Variants in SLC24A3 observed in about 807,000 individuals in gnomAD.
SLC24A3 encodes the protein sodium/potassium/calcium exchanger 3.
Under a neutral mutation model 75.8 loss-of-function variants are expected in SLC24A3, and 28 were observed. The observed-to-expected ratio is 0.37, with a 90% CI of 0.27 to 0.51. The LOEUF is 0.51. Among genes scored for constraint, SLC24A3 ranks in the 20% least tolerant of loss-of-function variants. The pLI is 0.94. For missense variants in SLC24A3, 663 were observed against 847.8 expected (o/e 0.78, Z 2.71); for synonymous variants, 372 against 334.1 (o/e 1.11, Z -1.24).
rs1340441111 is a variant in SLC24A3 at position 19,698,643 on chromosome 20, G to A, written c.1682G>A (p.Trp561Ter). 6.3e-7 allele frequency: 1 copy of A among 1,592,188 alleles called. No individual in the cohort carries two copies. Among genetic ancestry groups the A allele is most frequent in the Non-Finnish European group, 8.6e-7 (1 of 1,167,368 alleles). Reference sequence around the variant, plus strand: ...ATCCTGATTGGCCTCGGTCTCCCCTGGGCTCTGCAGACCCTGGCTGTGGAT... The same window carrying A: ...ATCCTGATTGGCCTCGGTCTCCCCTAGGCTCTGCAGACCCTGGCTGTGGAT... ...FDILIGLGLP[W>*]ALQTLAVDYG... Residue 561 changes from tryptophan to a stop codon, truncating the protein, a stop_gained, in exon 15 of 17, where the codon TGG (tryptophan) becomes TAG (stop). Coordinates refer to ENST00000328041, the MANE Select transcript of SLC24A3 (RefSeq NM_020689.4). LOFTEE classifies it high-confidence loss of function.
chr20:19,390,822 G>A (rs1030698709), intron 2 of SLC24A3, among the ~76,000 whole-genome samples: 2 of 152,104 alleles, frequency 1.3e-5, no homozygotes, highest in Admixed American at 1.3e-4. Context: ...TGAGCCTGGG[G>A]AGGCCTGGAG....
chr20:19,449,137 CGGTAGAACT>C (rs1350363251), intron 2 of SLC24A3, among the ~76,000 whole-genome samples: 1 of 152,160 alleles, frequency 6.6e-6, no homozygotes, highest in Non-Finnish European at 1.5e-5. Flanking sequence ...GACTCCATGG[CGGTAGAACT>C]GGATGAAATG....
chr20:19,251,369 A>G (rs377099914), intron 1 of SLC24A3, among the ~76,000 whole-genome samples: 1 of 152,238 alleles, frequency 6.6e-6, no homozygotes, highest in Non-Finnish European at 1.5e-5. Flanking sequence ...GAAGAAAAGT[A>G]AGAACTTATT....
intron 2 of SLC24A3, among the ~76,000 whole-genome samples, chr20:19,430,594 A>G (rs1226392219): frequency 6.6e-6 from 1 of 152,218 alleles, no homozygotes; most frequent in Non-Finnish European, 1.5e-5. Context: ...AAAATAGTGC[A>G]TAGAAATGCA....
chr20:19,481,915 C>T (rs1049626079), intron 2 of SLC24A3, among the ~76,000 whole-genome samples: 1 of 152,152 alleles, frequency 6.6e-6, no homozygotes, highest in African/African-American at 2.4e-5. Context: ...AAGCCATAGG[C>T]TTTTCAAATG....
intron 2 of SLC24A3, among the ~76,000 whole-genome samples, chr20:19,458,410 A>G (rs1218330252): frequency 1.3e-5 from 2 of 152,238 alleles, no homozygotes; most frequent in African/African-American, 4.8e-5. Context: ...TTAAGTGCAC[A>G]GTTCAGCTGC....
chr20:19,586,333 C>T (rs1256503936), intron 6 of SLC24A3, among the ~76,000 whole-genome samples: 1 of 152,166 alleles, frequency 6.6e-6, no homozygotes, highest in Non-Finnish European at 1.5e-5. Context: ...GAGATCTCTG[C>T]CCAAATACCC....
chr20:19,389,964 TTCTTTAAGC>T (rs1307462461), intron 2 of SLC24A3, among the ~76,000 whole-genome samples: 1 of 152,204 alleles, frequency 6.6e-6, no homozygotes, highest in African/African-American at 2.4e-5. Flanking sequence ...CAAATGACCT[TTCTTTAAGC>T]TCGATGATTC....
At chr20:19,660,045 C>T (rs541553710) in intron 7 of SLC24A3, among the ~76,000 whole-genome samples, 6 of 152,204 alleles carry the variant, frequency 3.9e-5, no homozygotes, top group Non-Finnish European at 7.3e-5. Context: ...CTCCAAGGCC[C>T]TGCCCCTCTG....
chr20:19,247,716 G>GCTGC (rs1329370552), intron 1 of SLC24A3, among the ~76,000 whole-genome samples: 1 of 152,188 alleles, frequency 6.6e-6, no homozygotes, highest in African/African-American at 2.4e-5. Flanking sequence ...TTGAGAACAT[G>GCTGC]CTGCATTGAT....
At chr20:19,641,387 G>A (rs75164261) in intron 6 of SLC24A3, among the ~76,000 whole-genome samples, 3,954 of 152,236 alleles carry the variant, frequency 0.026, 160 homozygotes, top group African/African-American at 0.09. Context: ...TTATGCTGAT[G>A]GGACTCTCAA....
rs991736834 is a variant in SLC24A3 at position 19,329,819 on chromosome 20, C to G, written c.271+48732C>G. On this transcript the variant is annotated intron_variant, in intron 2 of 16. Transcript: ENST00000328041. ...TTTGCTGTTTGCTTCATCTCATCTA[C>G]TTAATACACAGTGAGTGCTAGCCTT... is the stretch of plus-strand genomic sequence containing the variant. Among the ~76,000 whole-genome samples, 3 of 152,164 alleles carry G rather than the reference C, an allele frequency of 2.0e-5. No individual in the cohort carries two copies. The East Asian group carries it at 5.8e-4, about 29-fold the overall frequency.
At chr20:19,639,032 G>A (rs756452196) in intron 6 of SLC24A3, among the ~76,000 whole-genome samples, 15 of 152,096 alleles carry the variant, frequency 9.9e-5, no homozygotes, top group Non-Finnish European at 1.5e-4. Context: ...TGCTGGCTCC[G>A]GCAGCCTGCT....
At chr20:19,411,977 A>T (rs1986750612) in intron 2 of SLC24A3, among the ~76,000 whole-genome samples, 3 of 152,162 alleles carry the variant, frequency 2.0e-5, no homozygotes, top group Admixed American at 2.0e-4. Context: ...CCCAGCCCTT[A>T]CTTGTTCTTC....
chr20:19,337,010 C>T (rs1448029940), intron 2 of SLC24A3, among the ~76,000 whole-genome samples: 1 of 152,138 alleles, frequency 6.6e-6, no homozygotes, highest in African/African-American at 2.4e-5. Flanking sequence ...TCATGTTAGC[C>T]TCTCTGAGTC....
chr20:19,274,658 G>T (rs993485811), intron 1 of SLC24A3, among the ~76,000 whole-genome samples: 43 of 152,138 alleles, frequency 2.8e-4, no homozygotes, highest in African/African-American at 9.7e-4. Context: ...ACGAAGCCAG[G>T]GCCTCCACTG....
chr20:19,333,632 T>C (rs1985052326), intron 2 of SLC24A3, among the ~76,000 whole-genome samples: 1 of 150,982 alleles, frequency 6.6e-6, no homozygotes, highest in Non-Finnish European at 1.5e-5. Flanking sequence ...AGTGTGTGTG[T>C]GTGTGTGTGA....
chr20:19,509,902 G>C (rs562271253), intron 2 of SLC24A3, among the ~76,000 whole-genome samples: 1 of 152,344 alleles, frequency 6.6e-6, no homozygotes, highest in South Asian at 2.1e-4. Flanking sequence ...TTGGCATTGA[G>C]CCCCACATTT....
intron 2 of SLC24A3, among the ~76,000 whole-genome samples, chr20:19,365,901 G>A (rs1985881170): frequency 6.6e-6 from 1 of 152,132 alleles, no homozygotes; most frequent in Non-Finnish European, 1.5e-5. Context: ...TGACATGTGG[G>A]TCCTTTATTA....
Sources: gnomAD v4.1 joint callset for allele counts (sites outside exome capture counted in the v4.1 genomes callset) on GRCh38, gnomAD v4.1.1 for gene constraint, MANE v1.5 for transcripts, NCBI Gene and HGNC (gene_info 2026-07-23, HGNC 2026-07-21) for gene names.